FABP3: variants seen among roughly 807,000 people sequenced by gnomAD.
FABP3 encodes the protein fatty acid-binding protein, heart.
In FABP3, 8 loss-of-function variants were observed where a neutral mutation model predicts 13.4. That is an observed-to-expected ratio of 0.60 (90% CI 0.35 to 1.07). FABP3 has a LOEUF of 1.07. FABP3 is among the 50% of genes least tolerant of loss of function. FABP3 has a pLI of 0.02. For missense variants in FABP3, 135 were observed against 164.7 expected, an observed-to-expected ratio of 0.82 and a Z score of 0.99; for synonymous variants, 64 against 60.0, an observed-to-expected ratio of 1.07 and a Z score of -0.31.
chr1:31,360,326 C>T (rs989210910), downstream of FABP3, among the ~76,000 whole-genome samples: 1 of 152,208 alleles, frequency 6.6e-6, no homozygotes, highest in East Asian at 1.9e-4. Context: ...TGTGCCACCA[C>T]GCCCAGCTAA....
chr1:31,367,302 T>C, intron 3 of FABP3, 91 bp downstream of exon 3: 1 of 1,039,608 alleles, frequency 9.6e-7, no homozygotes, highest in Non-Finnish European at 1.5e-6. Context: ...TCTACAGCTC[T>C]CAGGGGAGGA....
the FABP3 span, among the ~76,000 whole-genome samples, chr1:31,359,770 G>A: frequency 6.6e-6 from 1 of 151,980 alleles, no homozygotes; most frequent in African/African-American, 2.4e-5. Flanking sequence ...CTTGACCTGC[G>A]CCATGGGCTC....
chr1:31,360,165 GTGTTT>G, the FABP3 span, among the ~76,000 whole-genome samples: 1 of 150,436 alleles, frequency 6.6e-6, no homozygotes, highest in African/African-American at 2.5e-5. Flanking sequence ...TTGTGTGTGC[GTGTTT>G]TGTTTTGTTT....
chr1:31,372,130 C>A (rs952804414), intron 1 of FABP3, among the ~76,000 whole-genome samples: 1 of 152,186 alleles, frequency 6.6e-6, no homozygotes. Context: ...CAGTTCTCCA[C>A]ATCCTCCTAA....
intron 1 of FABP3, among the ~76,000 whole-genome samples, chr1:31,372,036 T>G (rs1640218318): frequency 6.6e-6 from 1 of 152,200 alleles, no homozygotes; most frequent in African/African-American, 2.4e-5. Context: ...AGTTTCCCTG[T>G]TGAACTAGAT....
At position 31,370,982 on chromosome 1, in the gene FABP3, G is replaced by A. The variant is rs1263253744; in HGVS notation, c.74-1425C>T. On this transcript the variant is annotated intron_variant, in intron 1 of 3. Coordinates refer to ENST00000373713, the MANE Select transcript of FABP3 (RefSeq NM_004102.5). ...TTATCCCCAGTTTACAATGAAGAGT[G>A]CGAAGTGTCTTGTCGAAATTCAAAG... Among the ~76,000 whole-genome samples the A allele has an allele frequency of 2.0e-5, 3 of 152,338 alleles. No homozygotes were observed. In the East Asian group the frequency reaches 5.8e-4, roughly 29 times the overall value.
At chr1:31,361,972 C>T (rs184776941), downstream of FABP3, among the ~76,000 whole-genome samples, 172 of 152,146 alleles carry the variant, frequency 1.1e-3, 1 homozygote, top group African/African-American at 4.0e-3. Context: ...TAACCACACC[C>T]GGCCAATTTT....
In FABP3 at chr1:31,369,421, C is replaced by T. The variant is rs776966330; in HGVS notation, c.210G>A (p.Glu70=). 2.2e-5 allele frequency: 35 copies of T among 1,614,032 alleles called. No homozygotes were observed. The highest frequency in any genetic ancestry group is 2.7e-5 in the African/African-American group (2 of 74,902). The part of the protein sequence containing the change: ...NTEISFKLGV[E]FDETTADDRK... ...TGTCATCTGCTGTTGTCTCATCGAA[C>T]TCCACCCCCAACTTAAAGCTGATCT... is the stretch of plus-strand genomic sequence containing the variant. The change falls in exon 2 of 4, where the codon GAG becomes GAA. Residue 70 remains glutamate, a synonymous_variant. Transcript: ENST00000373713.
At chr1:31,368,410 G>A (rs573119106) in intron 2 of FABP3, among the ~76,000 whole-genome samples, 1 of 152,126 alleles carries the variant, frequency 6.6e-6, no homozygotes, top group Non-Finnish European at 1.5e-5. Context: ...GTTTAATTGG[G>A]GTTCTTGCCC....
intron 1 of FABP3, among the ~76,000 whole-genome samples, chr1:31,371,383 A>C (rs2148496449): frequency 6.6e-6 from 1 of 152,348 alleles, no homozygotes; most frequent in South Asian, 2.1e-4. Context: ...CTGCGGGATG[A>C]GTGAGGGTCT....
chr1:31,360,233 G>C, the FABP3 span, among the ~76,000 whole-genome samples: 2 of 146,828 alleles, frequency 1.4e-5, no homozygotes, highest in South Asian at 2.2e-4. Flanking sequence ...GCAGTGGCGC[G>C]ATCTTGGCTC....
At chr1:31,371,331 T>TAGG (rs1435946770) in intron 1 of FABP3, among the ~76,000 whole-genome samples, 1 of 152,198 alleles carries the variant, frequency 6.6e-6, no homozygotes, top group Non-Finnish European at 1.5e-5. Context: ...TCTGTTCACT[T>TAGG]AGGATCTACC....
rs913749291 is a variant in FABP3 at position 31,367,138 on chromosome 1, C to G, written c.348+255G>C. Among the ~76,000 whole-genome samples, 4 of 152,166 alleles carry G rather than the reference C, an allele frequency of 2.6e-5. No individual in the cohort carries two copies. The South Asian group carries it at 8.3e-4, about 32-fold the overall frequency. ...CTACAAGGTTGGTATTATTAATACC[C>G]GTTTTACAGTTGCACTTGGAAAAGG... On this transcript the variant is annotated intron_variant, in intron 3 of 3. Coordinates refer to ENST00000373713, the MANE Select transcript of FABP3 (RefSeq NM_004102.5).
chr1:31,362,367 A>G (rs540306844), downstream of FABP3, among the ~76,000 whole-genome samples: 63 of 152,230 alleles, frequency 4.1e-4, no homozygotes, highest in African/African-American at 1.4e-3. Context: ...TTCTCCTCCC[A>G]TACTTTCTCC....
At chr1:31,367,669 C>T (rs1261795691) in intron 2 of FABP3, among the ~76,000 whole-genome samples, 175 bp from the exon 3 acceptor site, 2 of 152,224 alleles carry the variant, frequency 1.3e-5, no homozygotes, top group African/African-American at 4.8e-5. Context: ...ATCTAGTTCA[C>T]CTCCAGCCTC....
chr1:31,361,866 C>T (rs1639914040), downstream of FABP3, among the ~76,000 whole-genome samples: 1 of 151,910 alleles, frequency 6.6e-6, no homozygotes, highest in Admixed American at 6.6e-5. Context: ...GCCTGGAGTG[C>T]AGTGGCAGGA....
At chr1:31,367,574 CAG>C in intron 2 of FABP3, 80 bp from the exon 3 acceptor site, 1 of 1,199,558 alleles carries the variant, frequency 8.3e-7, no homozygotes, top group Non-Finnish European at 1.2e-6. Context: ...CACTGGGCCA[CAG>C]AGCACACAGC....
the FABP3 span, among the ~76,000 whole-genome samples, chr1:31,359,688 A>T: frequency 6.6e-6 from 1 of 152,288 alleles, no homozygotes; most frequent in Admixed American, 6.5e-5. Flanking sequence ...TAGCTGCTCT[A>T]ACAAGGGATA....
chr1:31,368,277 A>G (rs1314652344), intron 2 of FABP3, among the ~76,000 whole-genome samples: 1 of 152,224 alleles, frequency 6.6e-6, no homozygotes, highest in Non-Finnish European at 1.5e-5. Context: ...GATAAGGGGT[A>G]TGAGGCCTGT....
Sources: gnomAD v4.1 joint callset for allele counts (sites outside exome capture counted in the v4.1 genomes callset) on GRCh38, gnomAD v4.1.1 for gene constraint, MANE v1.5 for transcripts, NCBI Gene and HGNC (gene_info 2026-07-23, HGNC 2026-07-21) for gene names.